The following HLTF variants were observed in gnomAD, a reference collection of about 807,000 sequenced individuals.
HLTF encodes helicase like transcription factor.
HLTF carries 127 observed loss-of-function variants against 129.4 expected under a neutral mutation model. The ratio of observed to expected loss-of-function variants is 0.98; its 90% CI spans 0.85 to 1.14. The LOEUF (loss-of-function observed/expected upper bound fraction) is 1.14, where lower values mean the gene tolerates loss of function less well. Ranked by LOEUF, HLTF falls within the 50% of genes most tolerant of loss-of-function variation. The pLI is 0.00. For synonymous variants in HLTF, 332 were observed against 388.8 expected, an observed-to-expected ratio of 0.85 and a Z score of 1.72; for missense variants, 1,139 against 1,187.1, an observed-to-expected ratio of 0.96 and a Z score of 0.60.
rs1326218653 is a variant in HLTF, at chr3:149,035,301, CTA to C, written c.2797-305_2797-304del. 2.0e-5 allele frequency among the ~76,000 whole-genome samples: 3 copies of C among 151,460 alleles called. No homozygotes were observed. The East Asian group carries it at 5.8e-4, about 29-fold the overall frequency. On this transcript the variant is annotated intron_variant, in intron 23 of 24. Coordinates refer to ENST00000310053, the MANE Select transcript of HLTF (RefSeq NM_003071.4). ...TTTTTTTTTTCATTTTTAAAAGAAT[CTA>C]TGTGTGCTTAACAGCAGAAAAAGGT...
In HLTF at chr3:149,030,487, A is replaced by G. The variant is rs192055103; in HGVS notation, c.*1733T>C. 3.3e-5 allele frequency: 5 copies of G among 152,266 alleles called. No homozygotes were observed. The East Asian group carries it at 9.7e-4, about 29-fold the overall frequency. The allele number at this position is 152,266 out of a possible 1,614,324, so 9.4% of individuals were successfully genotyped here. On this transcript the variant is annotated 3_prime_UTR_variant, in exon 25 of 25. Transcript: ENST00000310053. ...CAAAGAAGCAAGCTGTCCTCCCTTT[A>G]CCTTCATAGTGAGTTTGTAAGGCTT... is the stretch of plus-strand genomic sequence containing the variant.
rs1263488882 is a variant in HLTF, at chr3:149,060,690, A to C, written c.1241-3T>G. The C allele has an allele frequency of 1.9e-6, 3 of 1,613,120 alleles. No individual in the cohort carries two copies. The Admixed American group carries it at 5.0e-5, about 27-fold the overall frequency. On this transcript the variant is annotated splice_polypyrimidine_tract_variant and splice_region_variant and intron_variant, in intron 11 of 24. Transcript: ENST00000310053. ...AGACTGTACATTTTTCAGTTTGCCT[A>C]AAAATAAAACAAAAATAAACATAAA...
Position 149,063,498 on chromosome 3 carries a change from T to C in HLTF, c.1093A>G (p.Ser365Gly), listed in dbSNP as rs1183393906. 1.2e-6 allele frequency: 2 copies of C among 1,609,560 alleles called. No individual in the cohort carries two copies. The highest frequency in any genetic ancestry group is 2.2e-5 in the East Asian group (1 of 44,828). The change falls in exon 10 of 25, where the codon AGT becomes GGT. Residue 365 changes from serine to glycine, a missense_variant. Physicochemically the swap from Ser to Gly is moderately conservative, Grantham distance 56 (BLOSUM62 0). Coordinates refer to ENST00000310053, the MANE Select transcript of HLTF (RefSeq NM_003071.4). ...KDASRCSEQP[S>G]ISDIKEKSKF... ...CTCTTCTCCTTGATATCTGAAATAC[T>C]GGGTTGTTCACTACATCTAGATGCG... is the stretch of plus-strand genomic sequence containing the variant.
Position 149,032,109 on chromosome 3 carries a change from A to C in HLTF, c.*111T>G, listed in dbSNP as rs1715109839. 1 of 733,462 alleles carries C rather than the reference A, an allele frequency of 1.4e-6. No homozygotes were observed. Among genetic ancestry groups the C allele is most frequent in the Admixed American group, 3.4e-5 (1 of 29,342 alleles). 45.4% of individuals were successfully genotyped at this position (733,462 alleles called of 1,614,324 possible). On this transcript the variant is annotated 3_prime_UTR_variant, in exon 25 of 25. Transcript: ENST00000310053. Reference sequence around the variant, plus strand: ...TAATACCTCTTCACTAATATAAAATATGCCCCTTTTAGAAGACGTGTTCTC... The same window carrying C: ...TAATACCTCTTCACTAATATAAAATCTGCCCCTTTTAGAAGACGTGTTCTC...
At chr3:149,038,198 CT>C (rs1311881940) in intron 23 of HLTF, among the ~76,000 whole-genome samples, 1 of 152,150 alleles carries the variant, frequency 6.6e-6, no homozygotes, top group East Asian at 1.9e-4. Context: ...CACATTAAAG[CT>C]TAAGACTACT....
intron 18 of HLTF, among the ~76,000 whole-genome samples, chr3:149,044,660 C>T (rs942249914): frequency 5.3e-5 from 8 of 152,086 alleles, no homozygotes; most frequent in Non-Finnish European, 1.0e-4. Context: ...CAAAACTGAG[C>T]TTCTGATCTT....
chr3:149,053,070 G>A (rs1192404883), intron 14 of HLTF, among the ~76,000 whole-genome samples: 2 of 152,146 alleles, frequency 1.3e-5, no homozygotes, highest in African/African-American at 2.4e-5. Context: ...CCTTTACCTG[G>A]ATTATTTGAA....
In HLTF at chr3:149,048,157, G is replaced by A. The variant is rs566426235; in HGVS notation, c.1763C>T (p.Pro588Leu). 6.2e-7 allele frequency: 1 copy of A among 1,603,696 alleles called. No individual in the cohort carries two copies. The highest frequency in any genetic ancestry group is 1.7e-5 in the Admixed American group (1 of 57,956). Residue 588 changes from proline (P) to leucine (L), a missense_variant, in exon 17 of 25, where the codon CCA becomes CTA. Physicochemically the swap from Pro to Leu is moderately conservative, Grantham distance 98. Transcript: ENST00000310053. ...CAAGTCCTTTAAAGAATTCTGGATT[G>A]GAGTACCTAGAAATAACAGGAAACT... The part of the protein sequence containing the change: ...SERRWVLTGT[P>L]IQNSLKDLWS...
At chr3:149,065,002 G>A (rs1279575331) in intron 8 of HLTF, 136 bp from the exon 9 acceptor site, 1 of 475,520 alleles carries the variant, frequency 2.1e-6, no homozygotes, top group East Asian at 3.3e-5. Flanking sequence ...GCAACTGAAG[G>A]GGAGGGTGAA....
intron 23 of HLTF, among the ~76,000 whole-genome samples, chr3:149,035,584 G>C (rs1450186576): frequency 7.2e-6 from 1 of 138,604 alleles, no homozygotes; most frequent in Non-Finnish European, 1.5e-5. Flanking sequence ...CCTGAACCCC[G>C]GGAGGCGGAG....
At chr3:149,049,152 C>A in intron 15 of HLTF, 151 bp from the exon 16 acceptor site, 1 of 515,198 alleles carries the variant, frequency 1.9e-6, no homozygotes, top group East Asian at 3.0e-5. Context: ...TGAATACTCA[C>A]AAGTTTATAA....
At chr3:149,047,022 C>A (rs1188662476) in intron 17 of HLTF, among the ~76,000 whole-genome samples, 2 of 152,120 alleles carry the variant, frequency 1.3e-5, no homozygotes, top group Non-Finnish European at 2.9e-5. Context: ...CAAACACATA[C>A]AAAAGAAACA....
Position 149,060,669 on chromosome 3 carries a change from T to A in HLTF, c.1259A>T (p.Gln420Leu), listed in dbSNP as rs990225126. ...QKMKGKLKNV[Q>L]SETKGRAKAG... ...TTTCGCCCTGCCTTTAGTTTCAGAC[T>A]GTACATTTTTCAGTTTGCCTAAAAA... is the stretch of plus-strand genomic sequence containing the variant. The change falls in exon 12 of 25, where the codon CAG (glutamine) becomes CTG (leucine). Residue 420 changes from glutamine (Q) to leucine (L), a missense_variant. Physicochemically the swap from Gln to Leu is moderately radical, Grantham distance 113. Coordinates refer to ENST00000310053, the MANE Select transcript of HLTF (RefSeq NM_003071.4). 3.7e-6 allele frequency: 6 copies of A among 1,613,206 alleles called. No homozygotes were observed. The highest frequency in any genetic ancestry group is 5.1e-6 in the Non-Finnish European group (6 of 1,179,496).
At chr3:149,077,280 A>T (rs140519523) in intron 2 of HLTF, among the ~76,000 whole-genome samples, 44,261 of 150,004 alleles carry the variant, frequency 0.3, 7,376 homozygotes, top group Middle Eastern at 0.46. Context: ...ATAAATAAAT[A>T]AATAAATAAA....
intron 19 of HLTF, 61 bp downstream of exon 19, chr3:149,042,105 A>T: frequency 6.7e-7 from 1 of 1,486,996 alleles, no homozygotes; most frequent in Non-Finnish European, 9.3e-7. Context: ...AAAAAAATTT[A>T]TCACTCTTAT....
chr3:149,073,368 G>GT lies in HLTF; in HGVS notation c.530-47dup, dbSNP rs1275175406. 13 of 1,355,614 alleles carry GT rather than the reference G, an allele frequency of 9.6e-6. 1 individual carries two copies. The highest frequency in any genetic ancestry group is 1.4e-5 in the Non-Finnish European group (13 of 954,062). 84.0% of individuals were successfully genotyped at this position (1,355,614 alleles called of 1,614,324 possible). A position where few individuals can be genotyped will look rare whatever the true frequency, so the allele number is the denominator to read the frequency against. On this transcript the variant is annotated intron_variant, in intron 4 of 24. Coordinates refer to ENST00000310053, the MANE Select transcript of HLTF (RefSeq NM_003071.4). ...AGAATAAAGCCATCAAATAAAGTAG[G>GT]TTTTTATCTTTTATTAAGTAGCTTT...
Position 149,048,919 on chromosome 3 carries a change from G to A in HLTF, c.1700C>T (p.Ala567Val). The A allele has an allele frequency of 6.2e-7, 1 of 1,613,102 alleles. No individual in the cohort carries two copies. Among genetic ancestry groups the A allele is most frequent in the Non-Finnish European group, 8.5e-7 (1 of 1,179,240 alleles). ...DEGHAIRNPN[A>V]QQTKAVLDLE... is the part of the protein sequence containing the mutation. ...GTCAAGTACAGCTTTTGTCTGCTGA[G>A]CATTTGGATTTCGTATGGCATGTCC... Residue 567 changes from alanine (A) to valine (V), a missense_variant, in exon 16 of 25, where the codon GCT becomes GTT. Coordinates refer to ENST00000310053, the MANE Select transcript of HLTF (RefSeq NM_003071.4).
chr3:149,056,121 A>C (rs1249470279), intron 13 of HLTF, among the ~76,000 whole-genome samples: 1 of 152,206 alleles, frequency 6.6e-6, no homozygotes, highest in East Asian at 1.9e-4. Flanking sequence ...CCCCTGAAGA[A>C]GAGTTTGACT....
chr3:149,050,287 A>G lies in HLTF; in HGVS notation c.1562T>C (p.Leu521Pro). Reference protein sequence around the residue: ...GPDRIREPALLSKQDIVLTTY... With the variant: ...GPDRIREPALPSKQDIVLTTY... Reference sequence around the variant, plus strand: ...AGTCAAAACAATATCCTGTTTTGAAAGTAAGGCCGGTTCTCTAATACGATC... The same window carrying G: ...AGTCAAAACAATATCCTGTTTTGAAGGTAAGGCCGGTTCTCTAATACGATC... Residue 521 changes from leucine to proline, a missense_variant, in exon 15 of 25, where the codon CTT (leucine) becomes CCT (proline). Coordinates refer to ENST00000310053, the MANE Select transcript of HLTF (RefSeq NM_003071.4). 6.2e-7 allele frequency: 1 copy of G among 1,602,264 alleles called. No individual in the cohort carries two copies.
Sources: gnomAD v4.1 joint callset for allele counts (sites outside exome capture counted in the v4.1 genomes callset) on GRCh38, gnomAD v4.1.1 for gene constraint, MANE v1.5 for transcripts, NCBI Gene and HGNC (gene_info 2026-07-23, HGNC 2026-07-21) for gene names.